Variants in CBLL1 observed in about 807,000 individuals in gnomAD.
CBLL1 encodes the protein Cbl proto-oncogene like 1, also known as E3 ubiquitin-protein ligase Hakai.
In CBLL1, 4 loss-of-function variants were observed where a neutral mutation model predicts 44.9. The ratio of observed to expected loss-of-function variants is 0.09; its 90% CI spans 0.04 to 0.20. CBLL1 has a LOEUF of 0.20. Among genes scored for constraint, CBLL1 ranks in the 10% least tolerant of loss-of-function variants. The probability of loss-of-function intolerance (pLI) is 1.00; values close to 1 mark genes in which losing one functional copy is unlikely to be tolerated. For missense variants in CBLL1, 569 were observed against 636.7 expected, an observed-to-expected ratio of 0.89 and a Z score of 1.14; for synonymous variants, 235 against 202.2, an observed-to-expected ratio of 1.16 and a Z score of -1.38.
Position 107,761,066 on chromosome 7 carries a change from G to A in CBLL1, c.*1888G>A, listed in dbSNP as rs1277145176. 6.6e-6 allele frequency: 1 copy of A among 152,176 alleles called. No individual in the cohort carries two copies. Among genetic ancestry groups the A allele is most frequent in the Non-Finnish European group, 1.5e-5 (1 of 67,902 alleles). 9.4% of individuals were successfully genotyped at this position (152,176 alleles called of 1,614,324 possible). ...CATATTACTGTAGGTACTTGGACTG[G>A]TGCAAACTTGATTCCTTTTCATCCC... On this transcript the variant is annotated 3_prime_UTR_variant, in exon 6 of 6. Coordinates refer to ENST00000440859, the MANE Select transcript of CBLL1 (RefSeq NM_024814.4).
intron 1 of CBLL1, 40 bp from the exon 2 acceptor site, chr7:107,748,840 A>G (rs766314849): frequency 6.5e-7 from 1 of 1,537,442 alleles, no homozygotes; most frequent in East Asian, 2.3e-5. Context: ...CTTTAAAAAG[A>G]AAAACTAAAA....
At chr7:107,747,137 TC>T (rs1437036606) in intron 1 of CBLL1, among the ~76,000 whole-genome samples, 3 of 152,140 alleles carry the variant, frequency 2.0e-5, no homozygotes, top group Admixed American at 1.3e-4. Flanking sequence ...AGCAAAAAAG[TC>T]CCAAAGAAAC....
chr7:107,757,438 A>C (rs961990905), intron 5 of CBLL1, among the ~76,000 whole-genome samples: 3 of 152,178 alleles, frequency 2.0e-5, no homozygotes, highest in African/African-American at 7.2e-5. Flanking sequence ...TGTGTCAAGA[A>C]AGCTGTAATG....
At chr7:107,749,992 G>C (rs1314619073) in intron 2 of CBLL1, among the ~76,000 whole-genome samples, 1 of 152,022 alleles carries the variant, frequency 6.6e-6, no homozygotes, top group Non-Finnish European at 1.5e-5. Flanking sequence ...GTCTTACTCT[G>C]TTGCCTGGGC....
chr7:107,754,528 T>G (rs556427356), intron 4 of CBLL1, among the ~76,000 whole-genome samples: 15 of 152,178 alleles, frequency 9.9e-5, no homozygotes, highest in African/African-American at 3.6e-4. Context: ...AAAAAAAAAT[T>G]GAATTCAATA....
chr7:107,752,446 CTGTG>C (rs3216898), intron 2 of CBLL1: 156 of 399,770 alleles, frequency 3.9e-4, no homozygotes, highest in Middle Eastern at 7.3e-4. Flanking sequence ...ATGTGTCTCT[CTGTG>C]TGTGTGTGTG....
intron 2 of CBLL1, among the ~76,000 whole-genome samples, chr7:107,750,547 G>A (rs541803001): frequency 9.2e-5 from 14 of 151,740 alleles, no homozygotes; most frequent in African/African-American, 3.1e-4. Context: ...CTCATGATCC[G>A]CCCGCATCGG....
rs1271731694 is a variant in CBLL1, at chr7:107,761,226, C to T, written c.*2048C>T. ...GAGCTATCCTGCTTTTATTGAAAGT[C>T]ACTAGAGTTGAATGTGGTAAGAAAC... On this transcript the variant is annotated 3_prime_UTR_variant, in exon 6 of 6. Coordinates refer to ENST00000440859, the MANE Select transcript of CBLL1 (RefSeq NM_024814.4). 4 of 152,150 alleles carry T rather than the reference C, an allele frequency of 2.6e-5. No individual in the cohort carries two copies. Among genetic ancestry groups the T allele is most frequent in the Admixed American group, 6.5e-5 (1 of 15,270 alleles). 9.4% of individuals were successfully genotyped at this position (152,150 alleles called of 1,614,324 possible). A position where few individuals can be genotyped will look rare whatever the true frequency, so the allele number is the denominator to read the frequency against.
At chr7:107,757,919 G>C (rs1413705287) in intron 5 of CBLL1, among the ~76,000 whole-genome samples, 5 of 152,194 alleles carry the variant, frequency 3.3e-5, no homozygotes, top group Non-Finnish European at 4.4e-5. Context: ...CATACCGTTT[G>C]ATATTAGGAG....
intron 1 of CBLL1, 31 bp from the exon 2 acceptor site, chr7:107,748,849 A>C: frequency 1.9e-6 from 3 of 1,548,142 alleles, no homozygotes; most frequent in Non-Finnish European, 2.6e-6. Context: ...GAAAAACTAA[A>C]AGAAATTACA....
At chr7:107,744,410 C>T in intron 1 of CBLL1, 1 of 467,374 alleles carries the variant, frequency 2.1e-6, no homozygotes, top group Non-Finnish European at 3.7e-6. Flanking sequence ...TACTCTGGTT[C>T]TGCTGAGCTC....
At chr7:107,748,745 C>A in intron 1 of CBLL1, 135 bp from the exon 2 acceptor site, 1 of 662,016 alleles carries the variant, frequency 1.5e-6, no homozygotes, top group Non-Finnish European at 2.4e-6. Flanking sequence ...AGCAGTTAAA[C>A]TTAATGTAAT....
rs1475049213 is a variant in CBLL1, at chr7:107,758,463, A to T, written c.761A>T (p.Asn254Ile). ...PLQHVPHEHY[N>I]QPHEDIRAPP... ...CAACATGTGCCACATGAGCACTATA[A>T]TCAGCCACATGAGGATATTCGTGCT... The change falls in exon 6 of 6, where the codon AAT (asparagine) becomes ATT (isoleucine). Residue 254 changes from asparagine (N) to isoleucine (I), a missense_variant. Asn to Ile is a moderately radical substitution (Grantham distance 149, BLOSUM62 -3). Transcript: ENST00000440859. The surrounding 1 kb of genome is among the most constrained non-coding windows in gnomAD (Gnocchi z 4.2). 6.2e-7 allele frequency: 1 copy of T among 1,614,076 alleles called. No individual in the cohort carries two copies. The highest frequency in any genetic ancestry group is 1.1e-5 in the South Asian group (1 of 91,074).
intron 2 of CBLL1, among the ~76,000 whole-genome samples, chr7:107,751,015 CTT>C (rs947211537): frequency 1.3e-5 from 2 of 151,038 alleles, no homozygotes; most frequent in South Asian, 2.1e-4. Flanking sequence ...TGTCCCAACT[CTT>C]TTCCTTGCTG....
Position 107,759,107 on chromosome 7 carries a change from CCGCCTTCTCAAA to C in CBLL1, c.1407_1418del (p.Ser471_Pro474del). On this transcript the variant is annotated inframe_deletion, in exon 6 of 6. Coordinates refer to ENST00000440859, the MANE Select transcript of CBLL1 (RefSeq NM_024814.4). ...ACCACCACCTCCACGATTGCAGGGT[CCGCCTTCTCAAA>C]CCCCACTTCCTGGACCACATCATCC... 2 of 1,614,056 alleles carry C rather than the reference CCGCCTTCTCAAA, an allele frequency of 1.2e-6. No individual in the cohort carries two copies. Among genetic ancestry groups the C allele is most frequent in the Non-Finnish European group, 1.7e-6 (2 of 1,180,000 alleles).
chr7:107,752,507 A>C (rs1484259060), intron 2 of CBLL1: 1 of 1,177,040 alleles, frequency 8.5e-7, no homozygotes, highest in Non-Finnish European at 1.1e-6. Flanking sequence ...CATGTGGGTA[A>C]AGTTAAAACT....
chr7:107,745,040 A>G (rs1792941331), intron 1 of CBLL1, among the ~76,000 whole-genome samples: 1 of 152,088 alleles, frequency 6.6e-6, no homozygotes, highest in African/African-American at 2.4e-5. Flanking sequence ...TTAGGTGTGT[A>G]TGTTTATTTA....
chr7:107,749,114 T>TTAG, intron 2 of CBLL1, 67 bp downstream of exon 2: 1 of 1,430,510 alleles, frequency 7.0e-7, no homozygotes, highest in South Asian at 1.3e-5. Context: ...ACAGTCTGTG[T>TTAG]GATCTTATAG....
intron 1 of CBLL1, 35 bp from the exon 2 acceptor site, chr7:107,748,845 C>A: frequency 6.5e-7 from 1 of 1,537,918 alleles, no homozygotes; most frequent in Non-Finnish European, 8.8e-7. Context: ...AAAAGAAAAA[C>A]TAAAAGAAAT....
Sources: gnomAD v4.1 joint callset for allele counts (sites outside exome capture counted in the v4.1 genomes callset) on GRCh38, gnomAD v4.1.1 for gene constraint, Gnocchi (gnomAD v3.1) non-coding constraint, MANE v1.5 for transcripts, NCBI Gene and HGNC (gene_info 2026-07-23, HGNC 2026-07-21) for gene names.